The following GFRA1 variants were observed in gnomAD, a reference collection of about 807,000 sequenced individuals.
GFRA1 encodes GDNF family receptor alpha 1.
Under a neutral mutation model 51.6 loss-of-function variants are expected in GFRA1, and 16 were observed. The observed-to-expected ratio is 0.31, with a 90% CI of 0.21 to 0.47. The LOEUF is 0.47. GFRA1 is among the 20% of genes least tolerant of loss of function. The pLI is 1.00. For synonymous variants in GFRA1, 270 were observed against 241.3 expected (o/e 1.12, Z -1.10); for missense variants, 530 against 594.3 (o/e 0.89, Z 1.13).
At chr10:116,092,238 G>T (rs1354769007) in intron 8 of GFRA1, among the ~76,000 whole-genome samples, 1 of 152,076 alleles carries the variant, frequency 6.6e-6, no homozygotes, top group Non-Finnish European at 1.5e-5. Flanking sequence ...TTTTGTGGGT[G>T]TGAATTTCAC....
At chr10:116,247,394 A>G (rs72837829) in intron 4 of GFRA1, among the ~76,000 whole-genome samples, 3,915 of 152,326 alleles carry the variant, frequency 0.026, 72 homozygotes, top group Non-Finnish European at 0.041. Flanking sequence ...CTTCTAAAAC[A>G]TAAGTGAGAT....
chr10:116,124,838 C>T (rs1450642155), intron 6 of GFRA1, among the ~76,000 whole-genome samples: 4 of 152,154 alleles, frequency 2.6e-5, no homozygotes, highest in Non-Finnish European at 5.9e-5. Context: ...CTCCAAAGCT[C>T]CAGCCAGCTC....
intron 5 of GFRA1, among the ~76,000 whole-genome samples, chr10:116,150,451 G>A (rs147044932): frequency 6.6e-6 from 1 of 152,254 alleles, no homozygotes; most frequent in African/African-American, 2.4e-5. Context: ...AAATGCTTCT[G>A]AGGGGTCTCA....
At chr10:116,101,634 G>A (rs867654924) in intron 6 of GFRA1, among the ~76,000 whole-genome samples, 1 of 152,180 alleles carries the variant, frequency 6.6e-6, no homozygotes, top group East Asian at 1.9e-4. Context: ...TACTTTCTCT[G>A]CAACAGTTTT....
chr10:116,255,732 C>T (rs1968784948), intron 4 of GFRA1: 1 of 1,289,150 alleles, frequency 7.8e-7, no homozygotes, highest in Non-Finnish European at 1.0e-6. Context: ...TCCTTCTCCC[C>T]TTCTTTACAT....
At chr10:116,191,203 T>C (rs927416794) in intron 5 of GFRA1, among the ~76,000 whole-genome samples, 3 of 152,218 alleles carry the variant, frequency 2.0e-5, no homozygotes, top group Non-Finnish European at 4.4e-5. Flanking sequence ...AAACCCACAG[T>C]ACTAGTTATG....
chr10:116,071,915 ACGC>A (rs1955413436), intron 9 of GFRA1, among the ~76,000 whole-genome samples: 1 of 152,142 alleles, frequency 6.6e-6, no homozygotes, highest in East Asian at 1.9e-4. Context: ...TGCATAAGCC[ACGC>A]CTATAATTCC....
In GFRA1 at chr10:116,243,428, T is replaced by C. The variant is rs1267572537; in HGVS notation, c.418+26075A>G. Among the ~76,000 whole-genome samples, 3 of 152,160 alleles carry C rather than the reference T, an allele frequency of 2.0e-5. No individual in the cohort carries two copies. The East Asian group carries it at 5.8e-4, about 29-fold the overall frequency. On this transcript the variant is annotated intron_variant, in intron 4 of 10. Coordinates refer to ENST00000355422, the MANE Select transcript of GFRA1 (RefSeq NM_005264.8). ...GTTAGAATTTGGTACTTCTCATTTC[T>C]TCTGGTCAGTATGGTAACCGGAAAT...
chr10:116,152,962 CT>C (rs1279522768), intron 5 of GFRA1, among the ~76,000 whole-genome samples: 2 of 152,296 alleles, frequency 1.3e-5, no homozygotes, highest in Non-Finnish European at 2.9e-5. Context: ...TGTGTCAGAG[CT>C]GGACTAAGTG....
intron 4 of GFRA1, among the ~76,000 whole-genome samples, chr10:116,212,335 C>T (rs1174897424): frequency 6.6e-6 from 1 of 151,938 alleles, no homozygotes; most frequent in Non-Finnish European, 1.5e-5. Flanking sequence ...GCCTGGCTAA[C>T]ATGGTGAAAC....
chr10:116,235,045 C>T (rs755033297), intron 4 of GFRA1, among the ~76,000 whole-genome samples: 3 of 152,146 alleles, frequency 2.0e-5, no homozygotes, highest in Non-Finnish European at 4.4e-5. Context: ...CCAGCCATGC[C>T]GAACTGTGAG....
intron 6 of GFRA1, among the ~76,000 whole-genome samples, chr10:116,118,973 C>A (rs1193850587): frequency 6.6e-6 from 1 of 152,104 alleles, no homozygotes; most frequent in East Asian, 1.9e-4. Flanking sequence ...CCACCTCTGC[C>A]AACAGAGAGA....
chr10:116,176,954 C>A (rs1961678093), intron 5 of GFRA1, among the ~76,000 whole-genome samples: 1 of 152,134 alleles, frequency 6.6e-6, no homozygotes, highest in Non-Finnish European at 1.5e-5. Flanking sequence ...TTAAGCTGGT[C>A]TTGAAGAATG....
At chr10:116,231,870 G>C (rs1204327957) in intron 4 of GFRA1, among the ~76,000 whole-genome samples, 1 of 152,184 alleles carries the variant, frequency 6.6e-6, no homozygotes, top group African/African-American at 2.4e-5. Flanking sequence ...ATTCAACCAA[G>C]TTGTGAATCA....
intron 5 of GFRA1, among the ~76,000 whole-genome samples, chr10:116,177,153 G>A (rs1961703155): frequency 1.3e-5 from 2 of 152,142 alleles, no homozygotes; most frequent in Admixed American, 1.3e-4. Context: ...GAATATCACA[G>A]GCTCTGATAA....
chr10:116,066,429 G>A (rs1401225782), intron 9 of GFRA1, among the ~76,000 whole-genome samples: 1 of 152,142 alleles, frequency 6.6e-6, no homozygotes, highest in African/African-American at 2.4e-5. Flanking sequence ...GGACTGAGCT[G>A]TGAAAGCATT....
At chr10:116,117,593 A>ATGGGTGGATGGG (rs1255160866) in intron 6 of GFRA1, among the ~76,000 whole-genome samples, 1 of 119,504 alleles carries the variant, frequency 8.4e-6, no homozygotes, top group African/African-American at 2.8e-5. Context: ...GGATGGATGG[A>ATGGGTGGATGGG]TGGATGGGTG....
chr10:116,093,950 G>T, intron 7 of GFRA1, 114 bp from the exon 8 acceptor site: 1 of 983,734 alleles, frequency 1.0e-6, no homozygotes, highest in African/African-American at 1.6e-5. Context: ...TACAGACATT[G>T]TATTTGCTGA....
chr10:116,101,858 G>A (rs1181292074), intron 6 of GFRA1, among the ~76,000 whole-genome samples: 10 of 152,150 alleles, frequency 6.6e-5, no homozygotes, highest in African/African-American at 1.9e-4. Context: ...TCCTGAGTGC[G>A]TTGCTTCATG....
Sources: gnomAD v4.1 joint callset for allele counts (sites outside exome capture counted in the v4.1 genomes callset) on GRCh38, gnomAD v4.1.1 for gene constraint, MANE v1.5 for transcripts, NCBI Gene and HGNC (gene_info 2026-07-23, HGNC 2026-07-21) for gene names.